Variants in TMOD1 observed in about 807,000 individuals in gnomAD.
TMOD1 encodes tropomodulin-1.
A neutral mutation model predicts 40.6 loss-of-function variants in TMOD1; 17 were observed. The observed-to-expected ratio is 0.42, with a 90% CI of 0.29 to 0.63. The LOEUF is 0.63. Among genes scored for constraint, TMOD1 ranks in the 20% least tolerant of loss-of-function variants. The pLI, the probability that TMOD1 is intolerant of heterozygous loss-of-function variation, is 0.22. For synonymous variants in TMOD1, 181 were observed against 175.0 expected (o/e 1.03, Z -0.27); for missense variants, 391 against 447.6 (o/e 0.87, Z 1.14).
chr9:97,543,075 G>A (rs1571567), intron 2 of TMOD1, among the ~76,000 whole-genome samples: 62,974 of 151,820 alleles, frequency 0.41, 13,330 homozygotes, highest in East Asian at 0.61. Context: ...TAAATCCGTG[G>A]CCTCTACCAG....
chr9:97,505,588 T>C (rs1015320095), intron 1 of TMOD1, among the ~76,000 whole-genome samples: 17 of 152,162 alleles, frequency 1.1e-4, no homozygotes, highest in African/African-American at 3.4e-4. Context: ...GTGCCACTCC[T>C]ACCCCTATTC....
chr9:97,594,417 A>G (rs1057506822), intron 9 of TMOD1, among the ~76,000 whole-genome samples: 2 of 152,224 alleles, frequency 1.3e-5, no homozygotes, highest in Non-Finnish European at 2.9e-5. Context: ...ATGTTTTCCA[A>G]CTGAATATTT....
At chr9:97,538,165 T>C (rs990230041) in intron 2 of TMOD1, among the ~76,000 whole-genome samples, 1 of 152,210 alleles carries the variant, frequency 6.6e-6, no homozygotes, top group African/African-American at 2.4e-5. Context: ...ACAGCTATTA[T>C]ATAATTTTAG....
chr9:97,548,146 T>C (rs1213871099), intron 3 of TMOD1, among the ~76,000 whole-genome samples: 6 of 152,222 alleles, frequency 3.9e-5, no homozygotes, highest in African/African-American at 7.2e-5. Context: ...TTGTTTCTTT[T>C]CAGTCTCTTC....
intron 8 of TMOD1, among the ~76,000 whole-genome samples, chr9:97,572,344 G>A (rs1406190043): frequency 2.0e-5 from 3 of 152,250 alleles, no homozygotes; most frequent in Admixed American, 6.5e-5. Flanking sequence ...AGTGGGCTGT[G>A]CTGTGCTCTG....
chr9:97,600,037 T>G lies in TMOD1; in HGVS notation c.*339T>G. 4 of 1,089,226 alleles carry G rather than the reference T, an allele frequency of 3.7e-6. No homozygotes were observed. The highest frequency in any genetic ancestry group is 4.5e-6 in the Non-Finnish European group (4 of 890,794). 67.5% of individuals were successfully genotyped at this position (1,089,226 alleles called of 1,614,324 possible). ...TGGCCTTGCTGTGTGGTGTTTCAAGTGCATTTAAAATGTGTGACACAGAAA... is the reference window on the plus strand; with the variant it reads ...TGGCCTTGCTGTGTGGTGTTTCAAGGGCATTTAAAATGTGTGACACAGAAA... On this transcript the variant is annotated 3_prime_UTR_variant, in exon 10 of 10. Coordinates refer to ENST00000259365, the MANE Select transcript of TMOD1 (RefSeq NM_003275.4).
intron 4 of TMOD1, among the ~76,000 whole-genome samples, chr9:97,554,196 T>TGGGGGGGGGGGGGGGGGGGGG (rs35673512): frequency 1.3e-5 from 1 of 79,278 alleles, no homozygotes; most frequent in Non-Finnish European, 2.6e-5. Flanking sequence ...GTGGGCGGGG[T>TGGGGGGGGGGGGGGGGGGGGG]GGGGAAAGGC....
At chr9:97,528,228 C>T (rs1830046140) in intron 2 of TMOD1, among the ~76,000 whole-genome samples, 1 of 152,174 alleles carries the variant, frequency 6.6e-6, no homozygotes, top group African/African-American at 2.4e-5. Flanking sequence ...TGGGGCTCAA[C>T]TTGCTGACGG....
At chr9:97,588,990 G>A (rs1324672072) in intron 8 of TMOD1, among the ~76,000 whole-genome samples, 2 of 151,342 alleles carry the variant, frequency 1.3e-5, no homozygotes, top group Non-Finnish European at 2.9e-5. Flanking sequence ...GGTGGCATGC[G>A]CCTGTAATCC....
intron 7 of TMOD1, among the ~76,000 whole-genome samples, chr9:97,568,040 C>T (rs1175258689): frequency 5.9e-5 from 9 of 152,170 alleles, no homozygotes; most frequent in East Asian, 1.9e-4. Context: ...TCCTCTGAAA[C>T]GTGCTAGGGG....
At chr9:97,586,133 GT>G (rs1431778593) in intron 8 of TMOD1, among the ~76,000 whole-genome samples, 37 of 151,218 alleles carry the variant, frequency 2.4e-4, no homozygotes, top group Non-Finnish European at 1.2e-4. Flanking sequence ...CATCTTTGTG[GT>G]TTTATCTACT....
At chr9:97,595,376 C>T (rs2773343) in intron 9 of TMOD1, among the ~76,000 whole-genome samples, 31,571 of 152,044 alleles carry the variant, frequency 0.21, 3,573 homozygotes, top group African/African-American at 0.29. Flanking sequence ...TCTCCCCATT[C>T]CCCACCCACA....
chr9:97,601,427 G>T lies in TMOD1; in HGVS notation c.*1729G>T. On this transcript the variant is annotated 3_prime_UTR_variant, in exon 10 of 10. Coordinates refer to ENST00000259365, the MANE Select transcript of TMOD1 (RefSeq NM_003275.4). The stretch of plus-strand genomic sequence containing the variant: ...TCAAATGTCACCGAGCTTATATGAA[G>T]CTCCCAGAGAGAACATTTAAAAGCT... The T allele has an allele frequency of 9.7e-7, 1 of 1,027,784 alleles. No homozygotes were observed. Among genetic ancestry groups the T allele is most frequent in the Middle Eastern group, 4.8e-4 (1 of 2,090 alleles). 63.7% of individuals were successfully genotyped at this position (1,027,784 alleles called of 1,614,324 possible).
At chr9:97,509,512 G>C in intron 1 of TMOD1, among the ~76,000 whole-genome samples, 1 of 106,132 alleles carries the variant, frequency 9.4e-6, no homozygotes, top group African/African-American at 3.4e-5. Flanking sequence ...TTTTTTTTTT[G>C]TTTTTTGTTT....
At chr9:97,556,749 CGT>C (rs1256277891) in intron 4 of TMOD1, among the ~76,000 whole-genome samples, 3 of 152,026 alleles carry the variant, frequency 2.0e-5, no homozygotes, top group Non-Finnish European at 4.4e-5. Flanking sequence ...ATCAGTACAG[CGT>C]GTGAGGGAGG....
At chr9:97,517,653 G>A (rs149750241) in intron 1 of TMOD1, 2 of 152,974 alleles carry the variant, frequency 1.3e-5, no homozygotes, top group Non-Finnish European at 2.9e-5. Flanking sequence ...CCCCACACGG[G>A]AGAAGATGAG....
intron 1 of TMOD1, among the ~76,000 whole-genome samples, chr9:97,511,519 T>A (rs1274800246): frequency 6.6e-6 from 1 of 152,216 alleles, no homozygotes; most frequent in African/African-American, 2.4e-5. Context: ...GCTCACAGCC[T>A]ATAGAGACAG....
At chr9:97,522,785 A>G (rs1427124810) in intron 1 of TMOD1, among the ~76,000 whole-genome samples, 2 of 151,440 alleles carry the variant, frequency 1.3e-5, no homozygotes, top group African/African-American at 4.9e-5. Context: ...CTGGTCTCAA[A>G]CTCCTGGGCT....
At chr9:97,535,220 G>A (rs1271053211) in intron 2 of TMOD1, among the ~76,000 whole-genome samples, 2 of 152,186 alleles carry the variant, frequency 1.3e-5, no homozygotes, top group East Asian at 1.9e-4. Context: ...AGGAGCAGAG[G>A]TAGAGAGGCC....
Sources: allele counts gnomAD v4.1 joint callset (sites outside exome capture counted in the v4.1 genomes callset), GRCh38; gene constraint gnomAD v4.1.1; transcripts MANE v1.5; gene names NCBI Gene and HGNC (gene_info 2026-07-23, HGNC 2026-07-21).